DLGAP2: variants seen among roughly 807,000 people sequenced by gnomAD.
DLGAP2 encodes DLG associated protein 2.
DLGAP2 carries 26 observed loss-of-function variants against 100.3 expected under a neutral mutation model. That is an observed-to-expected ratio of 0.26 (90% confidence interval 0.19 to 0.36). The LOEUF (loss-of-function observed/expected upper bound fraction) is 0.36. DLGAP2 is among the 10% of genes least tolerant of loss of function. DLGAP2 has a pLI of 1.00. For synonymous variants in DLGAP2, 886 were observed against 630.1 expected (o/e 1.41, Z -6.08); for missense variants, 1,858 against 1,453.2 (o/e 1.28, Z -4.53).
At chr8:1,318,486 C>T (rs1006988204) in intron 3 of DLGAP2, among the ~76,000 whole-genome samples, 4 of 150,570 alleles carry the variant, frequency 2.7e-5, no homozygotes, top group African/African-American at 9.8e-5. Flanking sequence ...GCCCTCTTCA[C>T]GCCTTGGATT....
chr8:1,081,555 T>C (rs919395705), intron 2 of DLGAP2, among the ~76,000 whole-genome samples: 1 of 152,198 alleles, frequency 6.6e-6, no homozygotes, highest in Admixed American at 6.5e-5. Context: ...TTCTCCATGT[T>C]GGCCAGGCTG....
At chr8:1,363,164 C>T (rs1802024654) in intron 3 of DLGAP2, among the ~76,000 whole-genome samples, 1 of 152,256 alleles carries the variant, frequency 6.6e-6, no homozygotes, top group African/African-American at 2.4e-5. Flanking sequence ...GCAGGTGGAG[C>T]TGGCTGCCAG....
intron 2 of DLGAP2, among the ~76,000 whole-genome samples, chr8:1,243,988 T>C (rs1396361922): frequency 2.6e-5 from 4 of 152,108 alleles, no homozygotes; most frequent in Admixed American, 6.5e-5. Context: ...ATAGGGATGG[T>C]GAGTGCCAGC....
At chr8:1,673,985 C>T (rs978312205) in intron 10 of DLGAP2, among the ~76,000 whole-genome samples, 1 of 152,144 alleles carries the variant, frequency 6.6e-6, no homozygotes, top group Non-Finnish European at 1.5e-5. Context: ...CATTGTTGTC[C>T]ATGGCACCTG....
rs147520104 is a variant in DLGAP2, at chr8:1,492,417, G to C, written c.107-8949G>C. Among the ~76,000 whole-genome samples the C allele has an allele frequency of 1.1e-4, 17 of 152,344 alleles. No homozygotes were observed. In the East Asian group the frequency reaches 3.3e-3, roughly 29 times the overall value. On this transcript the variant is annotated intron_variant, in intron 3 of 14. Transcript: ENST00000637795. Reference sequence around the variant, plus strand: ...CTTTCTGTAAAAGTAAACTTTTCAAGAGTTAGAAGAATCTAGAAATGGGGC... The same window carrying C: ...CTTTCTGTAAAAGTAAACTTTTCAACAGTTAGAAGAATCTAGAAATGGGGC...
intron 3 of DLGAP2, among the ~76,000 whole-genome samples, chr8:1,424,163 A>G (rs78947628): frequency 2.6e-5 from 4 of 152,200 alleles, no homozygotes; most frequent in African/African-American, 9.7e-5. Flanking sequence ...GCCTGCAGCT[A>G]TTTCTCTCTT....
intron 2 of DLGAP2, among the ~76,000 whole-genome samples, chr8:1,118,207 G>A (rs1183450358): frequency 6.6e-6 from 1 of 152,194 alleles, no homozygotes; most frequent in Non-Finnish European, 1.5e-5. Flanking sequence ...AATAGGCCAT[G>A]TCTGGAGATT....
intron 2 of DLGAP2, among the ~76,000 whole-genome samples, chr8:968,671 A>G (rs756510401): frequency 2.0e-5 from 3 of 152,194 alleles, no homozygotes; most frequent in African/African-American, 4.8e-5. Context: ...TTTTTGTAAC[A>G]TACAGGGACG....
chr8:1,578,095 C>G lies in DLGAP2; in HGVS notation c.1442+12201C>G, dbSNP rs143204676. Among the ~76,000 whole-genome samples, 54 of 152,338 alleles carry G rather than the reference C, an allele frequency of 3.5e-4. No homozygotes were observed. The East Asian group carries it at 0.01, about 29-fold the overall frequency. On this transcript the variant is annotated intron_variant, in intron 6 of 14. Transcript: ENST00000637795. ...AAACAGAATTGAAAGTAATTGGATA[C>G]AGTGCACTGAGTGTTTTTCTCTTTT...
chr8:940,698 A>G (rs921023067), intron 2 of DLGAP2, among the ~76,000 whole-genome samples: 3 of 152,180 alleles, frequency 2.0e-5, no homozygotes, highest in African/African-American at 7.2e-5. Flanking sequence ...CTCTTCTCCC[A>G]TGTCTCCAGA....
At chr8:1,364,991 G>C (rs1409245490) in intron 3 of DLGAP2, among the ~76,000 whole-genome samples, 1 of 152,196 alleles carries the variant, frequency 6.6e-6, no homozygotes, top group Admixed American at 6.5e-5. Flanking sequence ...GTGTTCACAG[G>C]GATGGGAACC....
At chr8:1,080,857 G>C (rs552735692) in intron 2 of DLGAP2, among the ~76,000 whole-genome samples, 2 of 152,264 alleles carry the variant, frequency 1.3e-5, no homozygotes, top group East Asian at 1.9e-4. Context: ...TCTCATACTG[G>C]ACATTTACTG....
intron 8 of DLGAP2, among the ~76,000 whole-genome samples, chr8:1,654,312 T>G (rs1437641917): frequency 6.6e-6 from 1 of 152,210 alleles, no homozygotes; most frequent in African/African-American, 2.4e-5. Context: ...ATTTTTCCAC[T>G]GGAAAAATTA....
chr8:842,980 T>C (rs928613993), intron 1 of DLGAP2, among the ~76,000 whole-genome samples: 6 of 152,208 alleles, frequency 3.9e-5, no homozygotes, highest in Non-Finnish European at 1.5e-5. Flanking sequence ...TTGACTCACT[T>C]TGTGGATGTG....
At chr8:1,000,478 C>T (rs1013007645) in intron 2 of DLGAP2, among the ~76,000 whole-genome samples, 31 of 151,142 alleles carry the variant, frequency 2.1e-4, no homozygotes, top group Middle Eastern at 3.5e-3. Context: ...TTCTCTAGAG[C>T]GGACAGATCC....
intron 2 of DLGAP2, among the ~76,000 whole-genome samples, chr8:1,246,137 G>T (rs1798896583): frequency 6.6e-6 from 1 of 152,174 alleles, no homozygotes; most frequent in Non-Finnish European, 1.5e-5. Context: ...TCCCATAGGT[G>T]TCTTCTGAAT....
chr8:1,242,836 A>G (rs183790351), intron 2 of DLGAP2, among the ~76,000 whole-genome samples: 143 of 151,976 alleles, frequency 9.4e-4, no homozygotes, highest in Non-Finnish European at 9.1e-4. Context: ...CGATGGATAG[A>G]TGGGTGGACG....
intron 1 of DLGAP2, among the ~76,000 whole-genome samples, chr8:844,574 C>G (rs1464627874): frequency 6.6e-6 from 1 of 152,208 alleles, no homozygotes; most frequent in Non-Finnish European, 1.5e-5. Flanking sequence ...ACTACGGTCT[C>G]TCTTGACCCC....
intron 2 of DLGAP2, among the ~76,000 whole-genome samples, chr8:1,172,588 T>G (rs986870731): frequency 3.3e-5 from 5 of 152,158 alleles, no homozygotes; most frequent in Non-Finnish European, 7.4e-5. Context: ...CGTTTCTTTT[T>G]ATTCTTTTTT....
Sources: allele counts gnomAD v4.1 joint callset (sites outside exome capture counted in the v4.1 genomes callset), GRCh38; gene constraint gnomAD v4.1.1; transcripts MANE v1.5; gene names NCBI Gene and HGNC (gene_info 2026-07-23, HGNC 2026-07-21).